The following GALNTL6 variants were observed in gnomAD, a reference collection of about 807,000 sequenced individuals.
GALNTL6 encodes polypeptide N-acetylgalactosaminyltransferase-like 6.
A neutral mutation model predicts 73.7 loss-of-function variants in GALNTL6; 46 were observed. The ratio of observed to expected loss-of-function variants is 0.62; its 90% confidence interval spans 0.49 to 0.80. The LOEUF (loss-of-function observed/expected upper bound fraction) is 0.80, where lower values mean the gene tolerates loss of function less well. Ranked by LOEUF, GALNTL6 falls within the 30% of genes least tolerant of loss-of-function variation. The pLI is 0.00. For missense variants in GALNTL6, 604 were observed against 755.0 expected, an observed-to-expected ratio of 0.80 and a Z score of 2.34; for synonymous variants, 259 against 263.7, an observed-to-expected ratio of 0.98 and a Z score of 0.17.
intron 5 of GALNTL6, among the ~76,000 whole-genome samples, chr4:172,420,316 T>C (rs918145364): frequency 4.6e-5 from 7 of 152,182 alleles, no homozygotes; most frequent in Non-Finnish European, 1.0e-4. Flanking sequence ...TGTAGCACCA[T>C]AGCACATATT....
intron 2 of GALNTL6, among the ~76,000 whole-genome samples, chr4:172,204,343 A>G (rs1363881977): frequency 6.6e-6 from 1 of 152,194 alleles, no homozygotes; most frequent in African/African-American, 2.4e-5. Flanking sequence ...CTTTTCTATC[A>G]TTAAAGATTC....
intron 5 of GALNTL6, among the ~76,000 whole-genome samples, chr4:172,621,910 T>C (rs1738976492): frequency 6.6e-6 from 1 of 152,176 alleles, no homozygotes; most frequent in Admixed American, 6.6e-5. Context: ...ATACCAAGGT[T>C]TGCTTGGATG....
chr4:171,862,596 CT>C (rs1038605031), intron 2 of GALNTL6, among the ~76,000 whole-genome samples: 2 of 151,742 alleles, frequency 1.3e-5, no homozygotes, highest in African/African-American at 4.8e-5. Flanking sequence ...TAGACCAAGG[CT>C]TTTTTTAAAC....
At chr4:172,085,517 C>G (rs72698994) in intron 2 of GALNTL6, among the ~76,000 whole-genome samples, 3,058 of 151,384 alleles carry the variant, frequency 0.02, 36 homozygotes, top group Non-Finnish European at 0.03. Context: ...GAGAAAGCCT[C>G]TCTCAAAAAT....
At chr4:172,750,775 C>T (rs1737378185) in intron 5 of GALNTL6, among the ~76,000 whole-genome samples, 2 of 151,864 alleles carry the variant, frequency 1.3e-5, no homozygotes, top group Admixed American at 1.3e-4. Flanking sequence ...TGTATTTTAC[C>T]CATATTTTTG....
chr4:172,026,148 C>G (rs1447649165), intron 2 of GALNTL6, among the ~76,000 whole-genome samples: 1 of 151,966 alleles, frequency 6.6e-6, no homozygotes, highest in East Asian at 1.9e-4. Flanking sequence ...AATTTGCTCA[C>G]TCATATAATA....
intron 3 of GALNTL6, among the ~76,000 whole-genome samples, chr4:172,252,923 T>G (rs1039532297): frequency 1.3e-5 from 2 of 151,798 alleles, no homozygotes; most frequent in African/African-American, 4.8e-5. Flanking sequence ...AGGAGGGGCA[T>G]CATGTGCTAA....
At chr4:172,237,639 T>C (rs568131890) in intron 3 of GALNTL6, among the ~76,000 whole-genome samples, 13 of 152,296 alleles carry the variant, frequency 8.5e-5, no homozygotes, top group Non-Finnish European at 1.8e-4. Context: ...TTTTTTTTGA[T>C]GTCTTCATCA....
At chr4:171,959,450 T>C (rs1739150647) in intron 2 of GALNTL6, among the ~76,000 whole-genome samples, 1 of 152,206 alleles carries the variant, frequency 6.6e-6, no homozygotes, top group Admixed American at 6.5e-5. Flanking sequence ...TTTGTTAAAT[T>C]GTTTAGTGTT....
intron 2 of GALNTL6, among the ~76,000 whole-genome samples, chr4:171,935,415 T>C (rs908025369): frequency 4.6e-5 from 7 of 152,104 alleles, no homozygotes; most frequent in African/African-American, 1.7e-4. Context: ...TTCAGCATTA[T>C]TGGAAGAAAC....
At chr4:172,160,892 AC>A (rs1734440517) in intron 2 of GALNTL6, among the ~76,000 whole-genome samples, 1 of 99,914 alleles carries the variant, frequency 1.0e-5, no homozygotes, top group Non-Finnish European at 2.1e-5. Context: ...ATATATATAG[AC>A]ACACACACAC....
chr4:172,429,195 A>ATTTTATTTTATTTTATT (rs55787801), intron 5 of GALNTL6, among the ~76,000 whole-genome samples: 26,019 of 133,614 alleles, frequency 0.19, 3,859 homozygotes, highest in Admixed American at 0.28. Flanking sequence ...TTTATTTTAT[A>ATTTTATTTTATTTTATT]TTATTTTATT....
chr4:172,629,835 A>T (rs192489095), intron 5 of GALNTL6, among the ~76,000 whole-genome samples: 1 of 152,342 alleles, frequency 6.6e-6, no homozygotes, highest in African/African-American at 2.4e-5. Flanking sequence ...ATTTATTATG[A>T]CACCCTAGGA....
intron 2 of GALNTL6, among the ~76,000 whole-genome samples, chr4:172,138,503 ATATATATATATTTTTTTTTTTTTTTT>A (rs1450718732): frequency 7.8e-4 from 7 of 8,966 alleles, no homozygotes; most frequent in Non-Finnish European, 1.7e-3. Flanking sequence ...ATATATATAT[ATATATATATATTTTTTTTTTTTTTTT>A]TTTTTTTTTT....
At chr4:171,937,991 G>A (rs779464852) in intron 2 of GALNTL6, among the ~76,000 whole-genome samples, 22 of 152,136 alleles carry the variant, frequency 1.4e-4, no homozygotes, top group Admixed American at 3.3e-4. Flanking sequence ...GTTTCTCGCC[G>A]TTCTGCCATG....
At chr4:172,226,418 A>G (rs889256069) in intron 2 of GALNTL6, among the ~76,000 whole-genome samples, 2 of 151,942 alleles carry the variant, frequency 1.3e-5, no homozygotes, top group East Asian at 1.9e-4. Flanking sequence ...TTTTTTATAC[A>G]TTGTTTTTGT....
At chr4:172,734,699 A>G (rs1369734405) in intron 5 of GALNTL6, among the ~76,000 whole-genome samples, 1 of 152,088 alleles carries the variant, frequency 6.6e-6, no homozygotes, top group East Asian at 1.9e-4. Flanking sequence ...TTCCAGGTGC[A>G]TGGTGCAAGC....
In GALNTL6 at chr4:172,337,692, G is replaced by A. The variant is rs199526734; in HGVS notation, c.387-10831G>A. On this transcript the variant is annotated intron_variant, in intron 4 of 12. Transcript: ENST00000506823. ...GACCTTTTACTCTACCCGTCTTTAA[G>A]GTTTTTTGTTTTTTTTTTTCTAGTG... 1.0e-3 allele frequency among the ~76,000 whole-genome samples: 110 copies of A among 110,298 alleles called. 2 individuals carry two copies. The South Asian group carries it at 0.027, about 27-fold the overall frequency. The allele number at this position is 110,298 out of a possible 152,430, so 72.4% of individuals were successfully genotyped here. A position where few individuals can be genotyped will look rare whatever the true frequency, so the allele number is the denominator to read the frequency against.
At chr4:172,964,078 G>C in intron 10 of GALNTL6, among the ~76,000 whole-genome samples, 1 of 151,912 alleles carries the variant, frequency 6.6e-6, no homozygotes, top group Non-Finnish European at 1.5e-5. Context: ...ACAGCCCTCA[G>C]TGCTGTTCAA....
Sources: allele counts gnomAD v4.1 joint callset (sites outside exome capture counted in the v4.1 genomes callset), GRCh38; gene constraint gnomAD v4.1.1; transcripts MANE v1.5; gene names NCBI Gene and HGNC (gene_info 2026-07-23, HGNC 2026-07-21).